The following MYO19 variants were observed in gnomAD, a reference collection of about 807,000 sequenced individuals.
MYO19 encodes the protein unconventional myosin-XIX.
Under a neutral mutation model 129.2 loss-of-function variants are expected in MYO19, and 132 were observed. The ratio of observed to expected loss-of-function variants is 1.02; its 90% CI spans 0.89 to 1.18. The LOEUF is 1.18. MYO19 is among the 50% of genes most tolerant of loss of function. MYO19 has a pLI of 0.00. For missense variants in MYO19, 1,210 were observed against 1,216.7 expected, an observed-to-expected ratio of 0.99 and a Z score of 0.08; for synonymous variants, 531 against 477.2, an observed-to-expected ratio of 1.11 and a Z score of -1.47.
intron 23 of MYO19, chr17:36,499,534 GTTGAAT>G: frequency 5.9e-6 from 1 of 169,506 alleles, no homozygotes; most frequent in East Asian, 1.5e-4. Context: ...TTAATCCTCA[GTTGAAT>G]TTGTTCGCTT....
chr17:36,497,481 G>T, intron 25 of MYO19: 1 of 945,292 alleles, frequency 1.1e-6, no homozygotes, highest in Middle Eastern at 5.4e-4. Context: ...GTTGTGATGT[G>T]GGACTAATTA....
chr17:36,538,628 A>G (rs1292440182), upstream of MYO19: 14 of 1,532,374 alleles, frequency 9.1e-6, no homozygotes, highest in Non-Finnish European at 1.2e-5. Flanking sequence ...CAGCAGGAGT[A>G]GGATATATAA....
intron 25 of MYO19, among the ~76,000 whole-genome samples, chr17:36,496,988 G>A (rs1488723291): frequency 6.6e-6 from 1 of 152,046 alleles, no homozygotes; most frequent in Non-Finnish European, 1.5e-5. Context: ...ACAAAGCCCT[G>A]AGTGACAATG....
At chr17:36,526,945 C>T (rs1459948705) in intron 5 of MYO19, among the ~76,000 whole-genome samples, 1 of 151,818 alleles carries the variant, frequency 6.6e-6, no homozygotes, top group African/African-American at 2.4e-5. Context: ...TTTGGGAGGC[C>T]AAGGTGGGTA....
intron 2 of MYO19, among the ~76,000 whole-genome samples, chr17:36,540,990 T>C (rs2074194654): frequency 6.6e-6 from 1 of 151,998 alleles, no homozygotes; most frequent in African/African-American, 2.4e-5. Context: ...CTCCCATAAT[T>C]TTAATTTTTT....
intron 6 of MYO19, among the ~76,000 whole-genome samples, chr17:36,524,305 C>A (rs1355121866): frequency 6.6e-6 from 1 of 152,214 alleles, no homozygotes; most frequent in East Asian, 1.9e-4. Flanking sequence ...CATTTTTCAT[C>A]CCCCTGCCAC....
At chr17:36,522,702 CT>C (rs1407926057) in intron 6 of MYO19, among the ~76,000 whole-genome samples, 1 of 151,682 alleles carries the variant, frequency 6.6e-6, no homozygotes, top group Non-Finnish European at 1.5e-5. Flanking sequence ...AAACCCCACT[CT>C]ACTAAAAATA....
At chr17:36,532,062 T>C (rs2073866155) in intron 3 of MYO19, among the ~76,000 whole-genome samples, 1 of 152,204 alleles carries the variant, frequency 6.6e-6, no homozygotes, top group African/African-American at 2.4e-5. Context: ...ATCCACTCAT[T>C]AGAATCCTTC....
chr17:36,537,373 C>T, upstream of MYO19: 1 of 1,613,838 alleles, frequency 6.2e-7, no homozygotes. Context: ...ATCTTTGGGG[C>T]AGGGCTGTTG....
At chr17:36,521,963 G>A (rs1267412168) in intron 6 of MYO19, among the ~76,000 whole-genome samples, 1 of 149,756 alleles carries the variant, frequency 6.7e-6, no homozygotes, top group Non-Finnish European at 1.5e-5. Context: ...CCCGGGAGGC[G>A]GAGGTTGCAG....
At chr17:36,518,766 T>C (rs189856865) in intron 6 of MYO19, among the ~76,000 whole-genome samples, 1 of 151,436 alleles carries the variant, frequency 6.6e-6, no homozygotes, top group South Asian at 2.1e-4. Flanking sequence ...GATGGTAGAT[T>C]TAAACCCAGG....
At chr17:36,501,711 T>C (rs2071543506) in intron 21 of MYO19, 1 of 154,816 alleles carries the variant, frequency 6.5e-6, no homozygotes, top group Non-Finnish European at 1.4e-5. Flanking sequence ...TCCCAGCCCT[T>C]AGTTTGGGAA....
At chr17:36,509,389 C>T (rs1355187451) in intron 13 of MYO19, 2 of 560,650 alleles carry the variant, frequency 3.6e-6, no homozygotes, top group Non-Finnish European at 6.4e-6. Context: ...GAGCACAGGA[C>T]AAGCTCAGCT....
At chr17:36,543,631 T>C (rs1322695697), upstream of MYO19, among the ~76,000 whole-genome samples, 3 of 152,068 alleles carry the variant, frequency 2.0e-5, no homozygotes, top group Admixed American at 2.0e-4. Flanking sequence ...CAAAATACTT[T>C]ATTTTGTTTT....
chr17:36,541,585 C>A (rs553792309), intron 2 of MYO19, among the ~76,000 whole-genome samples: 1 of 152,108 alleles, frequency 6.6e-6, no homozygotes, highest in Non-Finnish European at 1.5e-5. Context: ...ATTACAGCTC[C>A]GTCCCTCCAA....
rs2072482192 is a variant in MYO19 at position 36,513,140 on chromosome 17, G to T, written c.894+289C>A. On this transcript the variant is annotated intron_variant, in intron 11 of 25. Coordinates refer to ENST00000614623, the MANE Select transcript of MYO19 (RefSeq NM_001163735.2). ...CTAGACAAGCAAGGCGGTAGCACTAGTTCTCTCTTCTGATCATGCGGTACC... is the reference window on the plus strand; with the variant it reads ...CTAGACAAGCAAGGCGGTAGCACTATTTCTCTCTTCTGATCATGCGGTACC... 7 of 1,390,384 alleles carry T rather than the reference G, an allele frequency of 5.0e-6. No individual in the cohort carries two copies. In the East Asian group the frequency reaches 1.6e-4, roughly 31 times the overall value. 86.1% of individuals were successfully genotyped at this position (1,390,384 alleles called of 1,614,324 possible).
In MYO19 at chr17:36,525,238, C is replaced by T. The variant is rs762928603; in HGVS notation, c.404G>A (p.Gly135Asp). ...NQSIVVSGES[G>D]AGKTWTSRCL... Reference sequence around the variant, plus strand: ...AAGACGTCTTCCTACCTTTCCAGCACCACTCTCTCCACTGACAACAATAGA... The same window carrying T: ...AAGACGTCTTCCTACCTTTCCAGCATCACTCTCTCCACTGACAACAATAGA... The change falls in exon 6 of 26, where the codon GGT (glycine) becomes GAT (aspartate). Residue 135 changes from glycine to aspartate, a missense_variant. Physicochemically the swap from Gly to Asp is moderately conservative, Grantham distance 94. Coordinates refer to ENST00000614623, the MANE Select transcript of MYO19 (RefSeq NM_001163735.2). The T allele has an allele frequency of 1.5e-5, 25 of 1,613,308 alleles. No individual in the cohort carries two copies. The highest frequency in any genetic ancestry group is 2.0e-5 in the Non-Finnish European group (24 of 1,179,330).
chr17:36,516,302 T>C (rs370296110), intron 6 of MYO19, among the ~76,000 whole-genome samples: 52 of 152,356 alleles, frequency 3.4e-4, no homozygotes, highest in African/African-American at 1.1e-3. Flanking sequence ...AACCAAAGCA[T>C]AGAAATTTAA....
At chr17:36,514,983 A>G in intron 8 of MYO19, 130 bp downstream of exon 8, 1 of 719,504 alleles carries the variant, frequency 1.4e-6, no homozygotes, top group Non-Finnish European at 2.3e-6. Flanking sequence ...CTCACACCTG[A>G]GGTAAAGGGC....
Sources: allele counts gnomAD v4.1 joint callset (sites outside exome capture counted in the v4.1 genomes callset), GRCh38; gene constraint gnomAD v4.1.1; transcripts MANE v1.5; gene names NCBI Gene and HGNC (gene_info 2026-07-23, HGNC 2026-07-21).